The following KIF4A variants were observed in gnomAD, a reference collection of about 807,000 sequenced individuals.
The protein encoded by KIF4A is chromosome-associated kinesin KIF4A.
Under a neutral mutation model 105.9 loss-of-function variants are expected in KIF4A, and 7 were observed. The ratio of observed to expected loss-of-function variants is 0.07; its 90% CI spans 0.04 to 0.12. The LOEUF is 0.12. Ranked by LOEUF, KIF4A falls within the 10% of genes least tolerant of loss-of-function variation. The pLI is 1.00. For synonymous variants in KIF4A, 281 were observed against 331.3 expected (o/e 0.85, Z 1.65); for missense variants, 558 against 929.2 (o/e 0.60, Z 5.19).
chrX:70,367,726 G>T (rs968946691), intron 15 of KIF4A, among the ~76,000 whole-genome samples: 2 of 110,979 alleles, frequency 1.8e-5, no homozygotes, highest in African/African-American at 6.5e-5. Context: ...ACCATTATTT[G>T]TCTTGGAGTT....
intron 13 of KIF4A, among the ~76,000 whole-genome samples, chrX:70,347,496 T>A (rs1413152330): frequency 1.8e-5 from 2 of 111,498 alleles, no homozygotes; most frequent in African/African-American, 3.3e-5. Context: ...TAACAACATA[T>A]CTTCTTCAAG....
chrX:70,320,211 C>T (rs963561121), intron 7 of KIF4A, among the ~76,000 whole-genome samples: 2 of 111,741 alleles, frequency 1.8e-5, no homozygotes, highest in African/African-American at 6.5e-5. Context: ...GGTAGAGATG[C>T]ACCCACTTCC....
intron 10 of KIF4A, among the ~76,000 whole-genome samples, chrX:70,338,627 T>A (rs2085960076): frequency 8.9e-6 from 1 of 112,275 alleles, no homozygotes; most frequent in Non-Finnish European, 1.9e-5. Context: ...AGTTTTTATA[T>A]GGACATGGGT....
intron 9 of KIF4A, 36 bp downstream of exon 9, chrX:70,330,368 A>G (rs779012823): frequency 8.0e-6 from 9 of 1,125,012 alleles, no homozygotes; most frequent in Non-Finnish European, 1.1e-5. Flanking sequence ...GAAAAATTAC[A>G]AGTATGTGAG....
intron 15 of KIF4A, among the ~76,000 whole-genome samples, chrX:70,372,403 G>A (rs2086142480): frequency 8.8e-6 from 1 of 113,134 alleles, no homozygotes; most frequent in South Asian, 3.6e-4. Flanking sequence ...CACCTCGGGA[G>A]GCCGAGGCTG....
At chrX:70,361,369 A>G (rs759698111) in intron 15 of KIF4A, 1 of 113,653 alleles carries the variant, frequency 8.8e-6, no homozygotes, top group African/African-American at 3.2e-5. Flanking sequence ...CATCCCCACA[A>G]CAGTCACATG....
chrX:70,396,370 CT>C (rs1281405007), intron 22 of KIF4A: 2 of 142,751 alleles, frequency 1.4e-5, no homozygotes, highest in African/African-American at 6.2e-5. Context: ...ATTTGACTGG[CT>C]TTTTAATAAA....
chrX:70,306,984 T>C (rs1388198223), intron 7 of KIF4A, among the ~76,000 whole-genome samples: 5 of 109,370 alleles, frequency 4.6e-5, no homozygotes, highest in East Asian at 2.9e-4. Context: ...ACCACCACTC[T>C]TGGTTGATTT....
At position 70,420,453 on chromosome X, in the gene KIF4A, C is replaced by T. The variant is rs913572538; in HGVS notation, c.*188C>T. ...CTTAGCCTCCAGGTCCAGACTACTA[C>T]TCTATGTTCTCCAGAAGGGTGCTAA... On this transcript the variant is annotated 3_prime_UTR_variant, in exon 31 of 31. Transcript: ENST00000374403. 1.1e-5 allele frequency: 6 copies of T among 562,304 alleles called. No individual in the cohort carries two copies. The South Asian group carries it at 2.0e-4, about 19-fold the overall frequency. 46.3% of individuals were successfully genotyped at this position (562,304 alleles called of 1,213,427 possible).
chrX:70,419,084 C>CA (rs1157047497), intron 29 of KIF4A, among the ~76,000 whole-genome samples: 580 of 56,850 alleles, frequency 0.01, 4 homozygotes, highest in African/African-American at 0.029. Context: ...GACTCCATCT[C>CA]AAAAAAAAAA....
At chrX:70,335,990 AT>A (rs2085949071) in intron 10 of KIF4A, among the ~76,000 whole-genome samples, 1 of 111,752 alleles carries the variant, frequency 8.9e-6, no homozygotes, top group African/African-American at 3.3e-5. Context: ...TATTTAACCC[AT>A]CTCTTTAGTT....
intron 10 of KIF4A, among the ~76,000 whole-genome samples, chrX:70,338,848 G>A (rs2085961087): frequency 9.0e-6 from 1 of 111,185 alleles, no homozygotes; most frequent in Admixed American, 9.6e-5. Context: ...CACTTTGGGA[G>A]GCCGAGGTGG....
At chrX:70,381,255 C>T (rs1602791000) in intron 18 of KIF4A, among the ~76,000 whole-genome samples, 2 of 111,234 alleles carry the variant, frequency 1.8e-5, no homozygotes. Flanking sequence ...AACAATCCCA[C>T]GGCTGGGTGT....
chrX:70,400,922 C>T lies in KIF4A; in HGVS notation c.2490-1644C>T, dbSNP rs181627252. ...AGCTGGGATTACAGGCACCTGCCAC[C>T]AGGCCCAGCTAATTTTTTGTATTTT... On this transcript the variant is annotated intron_variant, in intron 22 of 30. Coordinates refer to ENST00000374403, the MANE Select transcript of KIF4A (RefSeq NM_012310.5). Among the ~76,000 whole-genome samples the T allele has an allele frequency of 1.3e-4, 14 of 108,598 alleles. No homozygotes were observed. In the East Asian group the frequency reaches 3.2e-3, roughly 25 times the overall value. 94.3% of individuals were successfully genotyped at this position (108,598 alleles called of 115,157 possible).
chrX:70,406,190 T>C, intron 26 of KIF4A, 69 bp from the exon 27 acceptor site: 5 of 879,691 alleles, frequency 5.7e-6, no homozygotes, highest in Non-Finnish European at 8.3e-6. Context: ...AGGTCTGGTA[T>C]CTGTTTTAGC....
At chrX:70,362,479 C>A (rs11094149) in intron 15 of KIF4A, 1,884 of 130,365 alleles carry the variant, frequency 0.014, 36 homozygotes, top group African/African-American at 0.056. Flanking sequence ...TCTTTTTCCC[C>A]ATGGCATCTA....
At chrX:70,388,538 C>T (rs184957189) in intron 20 of KIF4A, among the ~76,000 whole-genome samples, 1 of 111,939 alleles carries the variant, frequency 8.9e-6, no homozygotes, top group Non-Finnish European at 1.9e-5. Context: ...AGTTGCTACA[C>T]ATTCTTGCCA....
intron 22 of KIF4A, among the ~76,000 whole-genome samples, chrX:70,401,590 G>A (rs142588347): frequency 0.022 from 2,376 of 105,943 alleles, 156 homozygotes; most frequent in Admixed American, 0.17. Context: ...TAGTAGAGCC[G>A]GGGTTTCACC....
intron 18 of KIF4A, among the ~76,000 whole-genome samples, chrX:70,386,298 G>A (rs1433705414): frequency 2.7e-5 from 3 of 110,986 alleles, no homozygotes; most frequent in Non-Finnish European, 3.8e-5. Context: ...CTACCTATGT[G>A]GAAAGGACTG....
Sources: gnomAD v4.1 joint callset for allele counts (sites outside exome capture counted in the v4.1 genomes callset) on GRCh38, gnomAD v4.1.1 for gene constraint, MANE v1.5 for transcripts, NCBI Gene and HGNC (gene_info 2026-07-23, HGNC 2026-07-21) for gene names.